Variants in FER1L6 observed in about 807,000 individuals in gnomAD.
FER1L6 encodes fer-1 like family member 6, also known as fer-1-like protein 6.
Under a neutral mutation model 219.2 loss-of-function variants are expected in FER1L6, and 177 were observed. That is an observed-to-expected ratio of 0.81 (90% confidence interval 0.71 to 0.91). FER1L6 has a LOEUF of 0.91. Ranked by LOEUF, FER1L6 falls within the 40% of genes least tolerant of loss-of-function variation. FER1L6 has a pLI of 0.00. For missense variants in FER1L6, 2,153 were observed against 2,259.9 expected (o/e 0.95, Z 0.96); for synonymous variants, 768 against 824.3 (o/e 0.93, Z 1.17).
intron 14 of FER1L6, among the ~76,000 whole-genome samples, chr8:124,012,419 T>C (rs1268801797): frequency 1.3e-5 from 2 of 152,218 alleles, no homozygotes; most frequent in Non-Finnish European, 2.9e-5. Flanking sequence ...CAGAATTTTT[T>C]CCTAGAGGCC....
chr8:124,119,567 A>G, intron 40 of FER1L6, 40 bp from the exon 41 acceptor site: 1 of 1,342,478 alleles, frequency 7.4e-7, no homozygotes, highest in East Asian at 2.3e-5. Context: ...GAGTGTTGAC[A>G]GGATGCCCCC....
chr8:124,099,998 TC>T, intron 37 of FER1L6, among the ~76,000 whole-genome samples: 1 of 151,900 alleles, frequency 6.6e-6, no homozygotes, highest in East Asian at 1.9e-4. Context: ...TCCCTAACAC[TC>T]CCCTGGCGTC....
chr8:124,039,804 C>A, intron 19 of FER1L6, 78 bp from the exon 20 acceptor site: 2 of 1,572,514 alleles, frequency 1.3e-6, no homozygotes, highest in Non-Finnish European at 1.7e-6. Context: ...AGATGGACAT[C>A]ACACACAGAC....
At chr8:124,028,024 G>A (rs1218909760) in intron 18 of FER1L6, among the ~76,000 whole-genome samples, 1 of 152,208 alleles carries the variant, frequency 6.6e-6, no homozygotes, top group East Asian at 1.9e-4. Flanking sequence ...AAACACTTCA[G>A]AAGGCCCTGT....
chr8:123,914,367 G>A (rs1046678925), intron 1 of FER1L6, among the ~76,000 whole-genome samples: 3 of 152,158 alleles, frequency 2.0e-5, no homozygotes, highest in Non-Finnish European at 4.4e-5. Flanking sequence ...CATTGACGGG[G>A]AAAAAGACAT....
intron 12 of FER1L6, among the ~76,000 whole-genome samples, chr8:123,988,822 C>T (rs890700790): frequency 6.6e-6 from 1 of 152,112 alleles, no homozygotes; most frequent in Non-Finnish European, 1.5e-5. Flanking sequence ...TTGTTTCTTT[C>T]TCTTGTCTGA....
At chr8:123,938,564 T>G (rs1814096240) in intron 1 of FER1L6, among the ~76,000 whole-genome samples, 1 of 78,006 alleles carries the variant, frequency 1.3e-5, no homozygotes, top group Admixed American at 1.4e-4. Flanking sequence ...TTTTTTTTTT[T>G]GAGACAGATC....
intron 1 of FER1L6, among the ~76,000 whole-genome samples, chr8:123,924,082 C>G (rs188926011): frequency 6.6e-6 from 1 of 151,396 alleles, no homozygotes; most frequent in African/African-American, 2.4e-5. Context: ...TGGCGAACCC[C>G]GTCTCTACTA....
chr8:123,930,336 C>G (rs1813721859), intron 1 of FER1L6, among the ~76,000 whole-genome samples: 1 of 142,968 alleles, frequency 7.0e-6, no homozygotes, highest in African/African-American at 2.5e-5. Context: ...CCACAGCTTC[C>G]TCCCTCCCTG....
At chr8:123,885,461 T>C (rs1463504972) in intron 1 of FER1L6, among the ~76,000 whole-genome samples, 1 of 152,246 alleles carries the variant, frequency 6.6e-6, no homozygotes, top group Non-Finnish European at 1.5e-5. Context: ...TGATAGGTAA[T>C]ACTGCATCTG....
At chr8:124,058,674 C>T (rs530222144) in intron 22 of FER1L6, 10 of 152,308 alleles carry the variant, frequency 6.6e-5, no homozygotes, top group Admixed American at 5.2e-4. Flanking sequence ...AAAAGCACAT[C>T]TAGAGGCAGC....
At chr8:123,927,669 G>A (rs563201013) in intron 1 of FER1L6, among the ~76,000 whole-genome samples, 6 of 152,288 alleles carry the variant, frequency 3.9e-5, no homozygotes, top group African/African-American at 1.4e-4. Context: ...CTAGTTAATA[G>A]CTGGGTGGGC....
At position 124,119,894 on chromosome 8, in the gene FER1L6, G is replaced by C; in HGVS notation, c.*104G>C. The C allele has an allele frequency of 5.0e-6, 6 of 1,201,784 alleles. No individual in the cohort carries two copies. Among genetic ancestry groups the C allele is most frequent in the Non-Finnish European group, 6.9e-6 (6 of 864,266 alleles). 74.4% of individuals were successfully genotyped at this position (1,201,784 alleles called of 1,614,324 possible). A position where few individuals can be genotyped will look rare whatever the true frequency, so the allele number is the denominator to read the frequency against. ...TGCATGGCACTGTGCTGAGTGCTAA[G>C]GGGACAGATCAACCCTTCTTGGAAG... On this transcript the variant is annotated 3_prime_UTR_variant, in exon 41 of 41. Transcript: ENST00000522917.
rs1820604344 is a variant in FER1L6, at chr8:124,061,953, C to T, written c.3249C>T (p.Asn1083=). The T allele has an allele frequency of 6.2e-7, 1 of 1,614,204 alleles. No homozygotes were observed. Among genetic ancestry groups the T allele is most frequent in the Non-Finnish European group, 8.5e-7 (1 of 1,180,026 alleles). ...RSTLVGTYTI[N]YLKQFLCKLR... ...CCCTTGTGGGCACCTACACCATCAACTACTTGAAGCAGTTTTTGTGTAAAC... is the reference window on the plus strand; with the variant it reads ...CCCTTGTGGGCACCTACACCATCAATTACTTGAAGCAGTTTTTGTGTAAAC... The change falls in exon 25 of 41, where the codon AAC becomes AAT. Residue 1083 remains asparagine, a synonymous_variant. Coordinates refer to ENST00000522917, the MANE Select transcript of FER1L6 (RefSeq NM_001039112.2).
intron 33 of FER1L6, among the ~76,000 whole-genome samples, chr8:124,091,129 A>G (rs558088697): frequency 6.6e-6 from 1 of 152,294 alleles, no homozygotes; most frequent in Admixed American, 6.5e-5. Context: ...AATGCTACTA[A>G]ATTGGTCAAC....
chr8:123,980,406 T>C (rs749667237), intron 10 of FER1L6, 59 bp from the exon 11 acceptor site: 11 of 1,321,950 alleles, frequency 8.3e-6, no homozygotes, highest in Non-Finnish European at 1.2e-5. Context: ...GAAATGAATG[T>C]GTGCAACTTT....
intron 39 of FER1L6, among the ~76,000 whole-genome samples, chr8:124,105,591 T>C (rs903725248): frequency 2.0e-5 from 3 of 152,194 alleles, no homozygotes; most frequent in African/African-American, 4.8e-5. Flanking sequence ...AGAAGGGCAC[T>C]TGGTTACTGT....
chr8:124,026,245 C>G (rs1193786649), intron 18 of FER1L6, among the ~76,000 whole-genome samples: 1 of 152,134 alleles, frequency 6.6e-6, no homozygotes, highest in East Asian at 1.9e-4. Flanking sequence ...AAAGCCTTTA[C>G]CCCCACCAGC....
At chr8:124,042,600 C>T (rs1819553082) in intron 20 of FER1L6, among the ~76,000 whole-genome samples, 1 of 152,208 alleles carries the variant, frequency 6.6e-6, no homozygotes, top group Admixed American at 6.5e-5. Context: ...CAATTTCCCT[C>T]TCCTGTTTCA....
Sources: gnomAD v4.1 joint callset for allele counts (sites outside exome capture counted in the v4.1 genomes callset) on GRCh38, gnomAD v4.1.1 for gene constraint, MANE v1.5 for transcripts, NCBI Gene and HGNC (gene_info 2026-07-23, HGNC 2026-07-21) for gene names.